Variants in CDH4 observed in about 807,000 individuals in gnomAD.
The protein encoded by CDH4 is cadherin 4.
A neutral mutation model predicts 86.0 loss-of-function variants in CDH4; 33 were observed. The ratio of observed to expected loss-of-function variants is 0.38; its 90% CI spans 0.29 to 0.51. CDH4 has a LOEUF of 0.51. CDH4 is among the 20% of genes least tolerant of loss of function. CDH4 has a pLI of 0.86. For missense variants in CDH4, 1,114 were observed against 1,307.4 expected (o/e 0.85, Z 2.28); for synonymous variants, 555 against 549.4 (o/e 1.01, Z -0.14).
intron 2 of CDH4, among the ~76,000 whole-genome samples, chr20:61,613,200 C>G (rs1287119287): frequency 2.6e-5 from 4 of 152,084 alleles, no homozygotes; most frequent in Middle Eastern, 3.2e-3. Flanking sequence ...TCTCTGTCCC[C>G]TTGACAGCCC....
chr20:61,635,386 C>A (rs1303518465), intron 2 of CDH4, among the ~76,000 whole-genome samples: 3 of 152,190 alleles, frequency 2.0e-5, no homozygotes, highest in African/African-American at 7.2e-5. Context: ...ACCCAGTCAC[C>A]GCCCCTGGGA....
intron 7 of CDH4, among the ~76,000 whole-genome samples, chr20:61,887,388 G>GCACACA (rs145026017): frequency 6.6e-6 from 1 of 151,678 alleles, no homozygotes; most frequent in Non-Finnish European, 1.5e-5. Flanking sequence ...GCAGTCAGCT[G>GCACACA]CACACACACA....
In CDH4 at chr20:61,416,884, G is replaced by C. The variant is rs78221296; in HGVS notation, c.169+161947G>C. Reference sequence around the variant, plus strand: ...ATCTTTTTGAGGGGGTGAAATCTTCGGACAGTTTTGTCCTGACTCACTGCC... The same window carrying C: ...ATCTTTTTGAGGGGGTGAAATCTTCCGACAGTTTTGTCCTGACTCACTGCC... On this transcript the variant is annotated intron_variant, in intron 2 of 15. Transcript: ENST00000614565. Among the ~76,000 whole-genome samples the C allele has an allele frequency of 2.0e-5, 3 of 152,098 alleles. No homozygotes were observed. The South Asian group carries it at 6.3e-4, about 32-fold the overall frequency.
Position 61,663,370 on chromosome 20 carries a change from G to A in CDH4, c.170-80193G>A, listed in dbSNP as rs6089256. Reference sequence around the variant, plus strand: ...GGGGCAGGGGCTGCTGCGGACAAGCGTTGGGAGGCCTCTCTGAGGAGGCAG... The same window carrying A: ...GGGGCAGGGGCTGCTGCGGACAAGCATTGGGAGGCCTCTCTGAGGAGGCAG... On this transcript the variant is annotated intron_variant, in intron 2 of 15. Transcript: ENST00000614565. The surrounding 1 kb of genome is among the most constrained non-coding windows in gnomAD (Gnocchi z 5.0). 0.39 allele frequency among the ~76,000 whole-genome samples: 59,657 copies of A among 152,092 alleles called. 12,333 individuals are homozygous for A. The highest frequency in any genetic ancestry group is 0.44 in the Non-Finnish European group (29,621 of 67,944).
At chr20:61,870,182 A>T (rs2066421) in intron 6 of CDH4, among the ~76,000 whole-genome samples, 72,937 of 151,874 alleles carry the variant, frequency 0.48, 17,706 homozygotes, top group African/African-American at 0.53. Flanking sequence ...CAGATCCTGG[A>T]CCCCAGCCCT....
chr20:61,512,339 C>T (rs1012418353), intron 2 of CDH4, among the ~76,000 whole-genome samples: 5 of 152,110 alleles, frequency 3.3e-5, no homozygotes, highest in East Asian at 1.9e-4. Flanking sequence ...TAGCCAGGCC[C>T]GGGAAGGGGA....
At chr20:61,758,043 C>T (rs1157442813) in intron 3 of CDH4, among the ~76,000 whole-genome samples, 1 of 152,200 alleles carries the variant, frequency 6.6e-6, no homozygotes, top group Non-Finnish European at 1.5e-5. Context: ...CCCGCCCTCA[C>T]CGAGCTTACC....
intron 2 of CDH4, among the ~76,000 whole-genome samples, chr20:61,613,078 C>A (rs2086697396): frequency 6.6e-6 from 1 of 152,088 alleles, no homozygotes; most frequent in South Asian, 2.1e-4. Flanking sequence ...GCTTCTCCTG[C>A]CCCTGCCGAG....
intron 7 of CDH4, among the ~76,000 whole-genome samples, chr20:61,877,478 A>T: frequency 6.6e-6 from 1 of 151,484 alleles, no homozygotes; most frequent in Non-Finnish European, 1.5e-5. Context: ...ATTTATGAAG[A>T]TTGAGGAACA....
intron 2 of CDH4, among the ~76,000 whole-genome samples, chr20:61,451,151 C>A (rs991789597): frequency 4.7e-5 from 7 of 149,356 alleles, no homozygotes; most frequent in Admixed American, 2.7e-4. Flanking sequence ...TGTCATCCTG[C>A]CACCTGTGCA....
At position 61,903,591 on chromosome 20, in the gene CDH4, T is replaced by A. The variant is rs186803692; in HGVS notation, c.1189-6831T>A. ...ATGTACATATTTTATTTCTGTGGAT[T>A]TTGGTTTTTCCCATTTTTCTACCAT... On this transcript the variant is annotated intron_variant, in intron 8 of 15. Coordinates refer to ENST00000614565, the MANE Select transcript of CDH4 (RefSeq NM_001794.5). Among the ~76,000 whole-genome samples the A allele has an allele frequency of 1.6e-4, 24 of 151,316 alleles. No individual in the cohort carries two copies. In the East Asian group the frequency reaches 4.5e-3, roughly 28 times the overall value.
chr20:61,573,068 G>GGATGGATA (rs1163682534), intron 2 of CDH4, among the ~76,000 whole-genome samples: 4 of 151,392 alleles, frequency 2.6e-5, no homozygotes, highest in Non-Finnish European at 4.4e-5. Context: ...ATGGATGGAT[G>GGATGGATA]GATAGATGGT....
chr20:61,530,876 G>C (rs1274810272), intron 2 of CDH4, among the ~76,000 whole-genome samples: 1 of 152,098 alleles, frequency 6.6e-6, no homozygotes, highest in Non-Finnish European at 1.5e-5. Flanking sequence ...TGCAGCCACA[G>C]CGCTGTCCAG....
At chr20:61,701,447 G>A (rs2087775233) in intron 2 of CDH4, among the ~76,000 whole-genome samples, 1 of 152,212 alleles carries the variant, frequency 6.6e-6, no homozygotes, top group Non-Finnish European at 1.5e-5. Context: ...GTGGACATCT[G>A]GGCTTGTCCA....
intron 2 of CDH4, among the ~76,000 whole-genome samples, chr20:61,403,175 T>C (rs1335013979): frequency 6.6e-6 from 1 of 152,192 alleles, no homozygotes; most frequent in Non-Finnish European, 1.5e-5. Flanking sequence ...GAGGGGATCT[T>C]GAAGAGGCAA....
intron 2 of CDH4, among the ~76,000 whole-genome samples, chr20:61,589,377 A>C (rs1162913780): frequency 2.0e-5 from 3 of 152,236 alleles, no homozygotes; most frequent in Non-Finnish European, 2.9e-5. Context: ...TCTTGGTCTG[A>C]ATTTTAAATT....
At chr20:61,446,675 C>G (rs1294063253) in intron 2 of CDH4, among the ~76,000 whole-genome samples, 1 of 152,202 alleles carries the variant, frequency 6.6e-6, no homozygotes, top group African/African-American at 2.4e-5. Flanking sequence ...GACTGAAGAA[C>G]TAGAATGGTT....
In CDH4 at chr20:61,510,942, T is replaced by A. The variant is rs868021038; in HGVS notation, c.170-232621T>A. On this transcript the variant is annotated intron_variant, in intron 2 of 15. Coordinates refer to ENST00000614565, the MANE Select transcript of CDH4 (RefSeq NM_001794.5). This position sits in a 1 kb window ranked among gnomAD's most constrained non-coding sequence, Gnocchi z 4.2. ...ACATGTCACAAAATGAAAGCAGGAG[T>A]GAGAGAGAGAGAGAAAGTTGGGGGC... Among the ~76,000 whole-genome samples the A allele has an allele frequency of 3.4e-5, 5 of 147,874 alleles. No homozygotes were observed. Among genetic ancestry groups the A allele is most frequent in the Middle Eastern group, 3.2e-3 (1 of 310 alleles).
intron 2 of CDH4, among the ~76,000 whole-genome samples, chr20:61,654,808 A>G (rs1169462206): frequency 6.6e-6 from 1 of 152,248 alleles, no homozygotes; most frequent in Non-Finnish European, 1.5e-5. Context: ...AGAGCTCTCC[A>G]TGCACCAGCA....
Sources: gnomAD v4.1 joint callset for allele counts (sites outside exome capture counted in the v4.1 genomes callset) on GRCh38, gnomAD v4.1.1 for gene constraint, Gnocchi (gnomAD v3.1) non-coding constraint, MANE v1.5 for transcripts, NCBI Gene and HGNC (gene_info 2026-07-23, HGNC 2026-07-21) for gene names.